The following EFNA5 variants were observed in gnomAD, a reference collection of about 807,000 sequenced individuals.
The protein encoded by EFNA5 is ephrin A5, also known as ephrin-A5.
In EFNA5, 5 loss-of-function variants were observed where a neutral mutation model predicts 22.9. The ratio of observed to expected loss-of-function variants is 0.22; its 90% confidence interval spans 0.11 to 0.46. The LOEUF (loss-of-function observed/expected upper bound fraction) is 0.46, where lower values mean the gene tolerates loss of function less well. Ranked by LOEUF, EFNA5 falls within the 20% of genes least tolerant of loss-of-function variation. EFNA5 has a pLI of 0.99. For synonymous variants in EFNA5, 113 were observed against 112.2 expected, an observed-to-expected ratio of 1.01 and a Z score of -0.04; for missense variants, 237 against 293.3, an observed-to-expected ratio of 0.81 and a Z score of 1.40.
chr5:107,631,301 T>A (rs1750245250), intron 1 of EFNA5, among the ~76,000 whole-genome samples: 1 of 151,322 alleles, frequency 6.6e-6, no homozygotes, highest in Non-Finnish European at 1.5e-5. Context: ...TCTCTGTCTC[T>A]CTCATATGCC....
At chr5:107,489,716 G>A (rs531049012) in intron 1 of EFNA5, among the ~76,000 whole-genome samples, 1 of 151,146 alleles carries the variant, frequency 6.6e-6, no homozygotes, top group East Asian at 1.9e-4. Flanking sequence ...AACATTATCA[G>A]TTTTTCATAT....
intron 1 of EFNA5, among the ~76,000 whole-genome samples, chr5:107,553,442 G>A (rs1388187750): frequency 1.3e-5 from 2 of 152,176 alleles, no homozygotes; most frequent in Non-Finnish European, 2.9e-5. Context: ...ACTCCATAGG[G>A]TCAAGGCCAC....
intron 1 of EFNA5, among the ~76,000 whole-genome samples, chr5:107,624,468 G>C (rs1750103757): frequency 6.6e-6 from 1 of 152,056 alleles, no homozygotes; most frequent in Non-Finnish European, 1.5e-5. Context: ...TCACTTATTT[G>C]GTTTAGGCTT....
intron 1 of EFNA5, among the ~76,000 whole-genome samples, chr5:107,561,883 G>A (rs1748553019): frequency 6.6e-6 from 1 of 151,600 alleles, no homozygotes; most frequent in Non-Finnish European, 1.5e-5. Context: ...TACCACTTTA[G>A]ACATGCCTGA....
At chr5:107,426,094 T>A (rs1400276236) in intron 2 of EFNA5, among the ~76,000 whole-genome samples, 1 of 152,198 alleles carries the variant, frequency 6.6e-6, no homozygotes, top group Non-Finnish European at 1.5e-5. Context: ...AATTGCCTAT[T>A]TACATGTCTG....
At chr5:107,488,981 G>A (rs2112410822) in intron 1 of EFNA5, among the ~76,000 whole-genome samples, 1 of 152,164 alleles carries the variant, frequency 6.6e-6, no homozygotes, top group African/African-American at 2.4e-5. Context: ...ATGAGCCACT[G>A]CGCCCGGCCA....
intron 1 of EFNA5, among the ~76,000 whole-genome samples, chr5:107,657,854 TC>T (rs1380455539): frequency 9.9e-5 from 15 of 152,126 alleles, no homozygotes; most frequent in Middle Eastern, 3.4e-3. Context: ...AGAGTGAAGA[TC>T]AGTAAAAACA....
At chr5:107,558,263 C>T (rs1406676901) in intron 1 of EFNA5, among the ~76,000 whole-genome samples, 1 of 151,598 alleles carries the variant, frequency 6.6e-6, no homozygotes, top group African/African-American at 2.4e-5. Context: ...ACAGATTATA[C>T]TGTTTTTTTT....
At chr5:107,513,168 G>A (rs1747407527) in intron 1 of EFNA5, among the ~76,000 whole-genome samples, 1 of 152,132 alleles carries the variant, frequency 6.6e-6, no homozygotes, top group Non-Finnish European at 1.5e-5. Flanking sequence ...TTCAGCTCAG[G>A]CTGCTGTGCT....
At chr5:107,571,153 C>T (rs751194061) in intron 1 of EFNA5, among the ~76,000 whole-genome samples, 4 of 152,244 alleles carry the variant, frequency 2.6e-5, no homozygotes, top group Middle Eastern at 6.8e-3. Context: ...GGGAAGAGGG[C>T]TTAGGGGCCT....
chr5:107,583,382 T>A (rs1749108690), intron 1 of EFNA5, among the ~76,000 whole-genome samples: 1 of 152,224 alleles, frequency 6.6e-6, no homozygotes, highest in Non-Finnish European at 1.5e-5. Context: ...TCAGGTTTAA[T>A]GGCATAGTAA....
At chr5:107,569,559 T>TCC (rs1748742560) in intron 1 of EFNA5, among the ~76,000 whole-genome samples, 1 of 42,530 alleles carries the variant, frequency 2.4e-5, no homozygotes, top group East Asian at 6.0e-4. Context: ...ATATATATAT[T>TCC]TATATATATA....
At chr5:107,633,483 C>A (rs1750303262) in intron 1 of EFNA5, among the ~76,000 whole-genome samples, 1 of 152,238 alleles carries the variant, frequency 6.6e-6, no homozygotes, top group African/African-American at 2.4e-5. Flanking sequence ...TGCCGGGGCC[C>A]CGCGCCTCAT....
intron 1 of EFNA5, among the ~76,000 whole-genome samples, chr5:107,659,077 C>A (rs1175020191): frequency 6.6e-6 from 1 of 152,094 alleles, no homozygotes; most frequent in Non-Finnish European, 1.5e-5. Context: ...GTCTTAAGTT[C>A]CTTACAGGTG....
chr5:107,606,635 T>C (rs1410356063), intron 1 of EFNA5, among the ~76,000 whole-genome samples: 1 of 152,088 alleles, frequency 6.6e-6, no homozygotes, highest in Non-Finnish European at 1.5e-5. Flanking sequence ...ATATTAGCTG[T>C]ACGACTTTGG....
At chr5:107,657,836 A>G (rs1487169025) in intron 1 of EFNA5, among the ~76,000 whole-genome samples, 1 of 152,144 alleles carries the variant, frequency 6.6e-6, no homozygotes, top group Non-Finnish European at 1.5e-5. Context: ...TATTGTATTT[A>G]TATACACAGA....
chr5:107,426,846 T>C (rs1748821510), intron 2 of EFNA5: 1 of 200,282 alleles, frequency 5.0e-6, no homozygotes. Context: ...TGCTGACACC[T>C]GAATAAGAAA....
intron 1 of EFNA5, among the ~76,000 whole-genome samples, chr5:107,633,018 AT>A (rs1046382035): frequency 6.6e-6 from 1 of 151,810 alleles, no homozygotes; most frequent in Non-Finnish European, 1.5e-5. Flanking sequence ...TACAATGCAG[AT>A]TTTTTTTTAT....
In EFNA5 at chr5:107,469,526, T is replaced by A. The variant is rs143717214; in HGVS notation, c.126-42017A>T. On this transcript the variant is annotated intron_variant, in intron 1 of 4. Transcript: ENST00000333274. ...TTGTAAAGGAAGAAGTTAACAATCATCTGAAAGTCAAGGCCTGTAGCCCAC... is the reference window on the plus strand; with the variant it reads ...TTGTAAAGGAAGAAGTTAACAATCAACTGAAAGTCAAGGCCTGTAGCCCAC... 1.6e-3 allele frequency among the ~76,000 whole-genome samples: 249 copies of A among 152,308 alleles called. 2 individuals are homozygous for A. The highest frequency in any genetic ancestry group is 5.9e-3 in the African/African-American group (247 of 41,568).
Sources: gnomAD v4.1 joint callset for allele counts (sites outside exome capture counted in the v4.1 genomes callset) on GRCh38, gnomAD v4.1.1 for gene constraint, MANE v1.5 for transcripts, NCBI Gene and HGNC (gene_info 2026-07-23, HGNC 2026-07-21) for gene names.